Variants in ARB2A observed in about 807,000 individuals in gnomAD.
ARB2A encodes ARB2 cotranscriptional regulator A, also known as cotranscriptional regulator ARB2A.
At chr5:93,889,729 C>T in the ARB2A span, among the ~76,000 whole-genome samples, 5 of 151,830 alleles carry the variant, frequency 3.3e-5, no homozygotes, top group Non-Finnish European at 5.9e-5. Flanking sequence ...AATCTTTCCA[C>T]CATCTGTGAC....
At chr5:93,713,464 A>G in the ARB2A span, among the ~76,000 whole-genome samples, 2 of 152,242 alleles carry the variant, frequency 1.3e-5, no homozygotes, top group East Asian at 1.9e-4. Flanking sequence ...AAAGTTCAAT[A>G]TCACTAATCA....
At chr5:94,024,299 C>A in the ARB2A span, among the ~76,000 whole-genome samples, 1 of 152,106 alleles carries the variant, frequency 6.6e-6, no homozygotes, top group Non-Finnish European at 1.5e-5. Flanking sequence ...CTCACCCAAG[C>A]AAGAGGGAAT....
chr5:93,838,498 G>A, the ARB2A span, among the ~76,000 whole-genome samples: 8 of 151,640 alleles, frequency 5.3e-5, no homozygotes, highest in Admixed American at 5.3e-4. Context: ...TTGGTTTCAT[G>A]TGAATTTTTT....
chr5:94,042,154 A>G, the ARB2A span, among the ~76,000 whole-genome samples: 2 of 152,154 alleles, frequency 1.3e-5, no homozygotes, highest in Non-Finnish European at 2.9e-5. Flanking sequence ...CAAGTTGTGG[A>G]AGGTTTGTAA....
chr5:93,730,282 G>A, the ARB2A span, among the ~76,000 whole-genome samples: 3 of 152,052 alleles, frequency 2.0e-5, no homozygotes, highest in Non-Finnish European at 4.4e-5. Context: ...GCAGCAAAAC[G>A]TTCTTTTTTC....
At chr5:94,057,052 T>C in the ARB2A span, among the ~76,000 whole-genome samples, 1 of 152,344 alleles carries the variant, frequency 6.6e-6, no homozygotes, top group East Asian at 1.9e-4. Flanking sequence ...ATTAGTCTTC[T>C]GCCTTCAGAT....
chr5:94,032,243 G>C, the ARB2A span, among the ~76,000 whole-genome samples: 8 of 152,128 alleles, frequency 5.3e-5, no homozygotes, highest in Admixed American at 2.0e-4. Flanking sequence ...ATTGGCTCAT[G>C]GTTCTTCAGG....
the ARB2A span, among the ~76,000 whole-genome samples, chr5:93,623,105 A>G: frequency 1.3e-5 from 2 of 152,166 alleles, no homozygotes; most frequent in African/African-American, 2.4e-5. Flanking sequence ...TCTCTATTCT[A>G]TAGTGTTTGC....
the ARB2A span, among the ~76,000 whole-genome samples, chr5:93,821,675 G>A: frequency 6.6e-6 from 1 of 151,730 alleles, no homozygotes. Flanking sequence ...ACATTTCAAT[G>A]TTTATTATTT....
chr5:93,634,756 G>A, the ARB2A span, among the ~76,000 whole-genome samples: 1 of 152,034 alleles, frequency 6.6e-6, no homozygotes, highest in Non-Finnish European at 1.5e-5. Context: ...ATATAAAACT[G>A]AGACTCTTTT....
At chr5:93,799,675 G>A in the ARB2A span, among the ~76,000 whole-genome samples, 16 of 152,074 alleles carry the variant, frequency 1.1e-4, no homozygotes, top group Non-Finnish European at 1.9e-4. Flanking sequence ...GTTAGTACCA[G>A]GAAACTAACA....
At chr5:94,024,572 A>G in the ARB2A span, among the ~76,000 whole-genome samples, 1 of 151,854 alleles carries the variant, frequency 6.6e-6, no homozygotes, top group Non-Finnish European at 1.5e-5. Context: ...CCGCCACCCC[A>G]CCACCACACA....
chr5:94,067,946 C>A, the ARB2A span, among the ~76,000 whole-genome samples: 1 of 152,192 alleles, frequency 6.6e-6, no homozygotes, highest in Non-Finnish European at 1.5e-5. Flanking sequence ...GTAACCAAAA[C>A]AGCATAATAT....
the ARB2A span, among the ~76,000 whole-genome samples, chr5:94,080,546 G>A: frequency 1.3e-5 from 2 of 152,170 alleles, no homozygotes; most frequent in Non-Finnish European, 2.9e-5. Flanking sequence ...CTCAGCTAGA[G>A]AGTGCAGTTA....
the ARB2A span, among the ~76,000 whole-genome samples, chr5:93,659,187 T>G: frequency 6.6e-6 from 1 of 152,096 alleles, no homozygotes; most frequent in Admixed American, 6.6e-5. Flanking sequence ...CAGAAACAAC[T>G]GAGTAAAATT....
At chr5:94,110,355 C>T in the ARB2A span, among the ~76,000 whole-genome samples, 2 of 152,184 alleles carry the variant, frequency 1.3e-5, no homozygotes, top group East Asian at 1.9e-4. Flanking sequence ...TAAATACTTG[C>T]TAAATGGATA....
chr5:94,058,367 AG>A, the ARB2A span, among the ~76,000 whole-genome samples: 1 of 152,178 alleles, frequency 6.6e-6, no homozygotes, highest in South Asian at 2.1e-4. Flanking sequence ...GCATGTAAAA[AG>A]GTAAAAATCA....
the ARB2A span, among the ~76,000 whole-genome samples, chr5:94,034,964 TCTAA>T: frequency 6.6e-6 from 1 of 152,118 alleles, no homozygotes. Flanking sequence ...CTTATGAGAA[TCTAA>T]CTAACGCTTG....
At chr5:93,941,996 T>C in the ARB2A span, among the ~76,000 whole-genome samples, 4 of 152,312 alleles carry the variant, frequency 2.6e-5, no homozygotes, top group South Asian at 6.2e-4. Flanking sequence ...TGGCTTATCA[T>C]ATCTCTCTCA....
Sources: allele counts gnomAD v4.1 joint callset (sites outside exome capture counted in the v4.1 genomes callset), GRCh38; gene constraint gnomAD v4.1.1; transcripts MANE v1.5; gene names NCBI Gene and HGNC (gene_info 2026-07-23, HGNC 2026-07-21).